The following GPC5 variants were observed in gnomAD, a reference collection of about 807,000 sequenced individuals.
GPC5 encodes the protein glypican 5, also known as glypican-5.
A neutral mutation model predicts 53.9 loss-of-function variants in GPC5; 47 were observed. The observed-to-expected ratio is 0.87, with a 90% confidence interval of 0.69 to 1.11. The LOEUF is 1.11. Among genes scored for constraint, GPC5 ranks in the 50% most tolerant of loss-of-function variants. GPC5 has a pLI of 0.00. For missense variants in GPC5, 748 were observed against 713.1 expected (o/e 1.05, Z -0.56); for synonymous variants, 286 against 263.3 (o/e 1.09, Z -0.84).
chr13:91,760,677 T>C (rs573689798), intron 5 of GPC5, among the ~76,000 whole-genome samples: 18 of 152,242 alleles, frequency 1.2e-4, no homozygotes, highest in African/African-American at 4.1e-4. Flanking sequence ...GATATGATTA[T>C]TTGTGTGCAC....
At chr13:92,285,332 T>C (rs1449610047) in intron 7 of GPC5, among the ~76,000 whole-genome samples, 1 of 152,162 alleles carries the variant, frequency 6.6e-6, no homozygotes. Flanking sequence ...AATTTATAGA[T>C]TCAATGCCAT....
intron 1 of GPC5, among the ~76,000 whole-genome samples, chr13:91,446,616 A>G (rs755568038): frequency 6.6e-5 from 10 of 152,152 alleles, no homozygotes; most frequent in African/African-American, 1.2e-4. Context: ...TCTATTTACA[A>G]TAGGAGCCTG....
chr13:92,470,346 C>T (rs978232172), intron 7 of GPC5, among the ~76,000 whole-genome samples: 6 of 151,970 alleles, frequency 3.9e-5, no homozygotes, highest in East Asian at 1.9e-4. Context: ...TAATTGAACA[C>T]GATATTGACT....
At chr13:91,803,290 G>A (rs553978109) in intron 5 of GPC5, among the ~76,000 whole-genome samples, 48 of 152,154 alleles carry the variant, frequency 3.2e-4, no homozygotes, top group African/African-American at 1.1e-3. Context: ...GTAAAGTTGT[G>A]GTGATGAAAT....
rs1166101823 is a variant in GPC5, at chr13:92,756,402, T to A, written c.1562-109880T>A. On this transcript the variant is annotated intron_variant, in intron 7 of 7. Coordinates refer to ENST00000377067, the MANE Select transcript of GPC5 (RefSeq NM_004466.6). Reference sequence around the variant, plus strand: ...CTGAATGGACAAAAACTGGAAGCATTCCCTTTGAAAACTGGCACAAGACAG... The same window carrying A: ...CTGAATGGACAAAAACTGGAAGCATACCCTTTGAAAACTGGCACAAGACAG... 2.0e-5 allele frequency among the ~76,000 whole-genome samples: 3 copies of A among 151,524 alleles called. No homozygotes were observed. In the East Asian group the frequency reaches 5.8e-4, roughly 29 times the overall value.
chr13:91,725,172 A>C (rs1345681457), intron 3 of GPC5: 1 of 152,246 alleles, frequency 6.6e-6, no homozygotes, highest in East Asian at 1.9e-4. Context: ...TTTCAAGGTG[A>C]GATGGGAACT....
chr13:92,344,959 T>C (rs1438655121), intron 7 of GPC5, among the ~76,000 whole-genome samples: 3 of 152,166 alleles, frequency 2.0e-5, no homozygotes, highest in African/African-American at 7.2e-5. Flanking sequence ...GAGAATATCA[T>C]TGATTTCAAA....
chr13:91,428,470 C>T (rs1300022292), intron 1 of GPC5, among the ~76,000 whole-genome samples: 2 of 152,176 alleles, frequency 1.3e-5, no homozygotes. Context: ...GAGGCTTGGT[C>T]TTGGACCTTG....
chr13:92,183,089 G>C (rs1485772106), intron 7 of GPC5, among the ~76,000 whole-genome samples: 1 of 152,178 alleles, frequency 6.6e-6, no homozygotes, highest in East Asian at 1.9e-4. Context: ...TTGGTTTATT[G>C]AACAGGGTGG....
chr13:91,421,593 A>G (rs779162346), intron 1 of GPC5, among the ~76,000 whole-genome samples: 1 of 152,218 alleles, frequency 6.6e-6, no homozygotes, highest in African/African-American at 2.4e-5. Context: ...TTGAATTGCA[A>G]TGAATATTTG....
At chr13:91,857,515 T>C (rs1283115621) in intron 5 of GPC5, among the ~76,000 whole-genome samples, 1 of 151,386 alleles carries the variant, frequency 6.6e-6, no homozygotes, top group Non-Finnish European at 1.5e-5. Context: ...TGTCTTGTTT[T>C]ATATATTTCT....
intron 6 of GPC5, among the ~76,000 whole-genome samples, chr13:92,091,064 C>A (rs1170424904): frequency 6.6e-6 from 1 of 152,160 alleles, no homozygotes; most frequent in Non-Finnish European, 1.5e-5. Flanking sequence ...GACTTCCCAG[C>A]CTCCAGAATT....
chr13:92,456,249 G>A (rs1878264530), intron 7 of GPC5, among the ~76,000 whole-genome samples: 1 of 152,146 alleles, frequency 6.6e-6, no homozygotes, highest in African/African-American at 2.4e-5. Context: ...GCCTAAAGGA[G>A]CACTTGCTCT....
At chr13:92,311,672 C>T (rs2043145994) in intron 7 of GPC5, among the ~76,000 whole-genome samples, 1 of 152,148 alleles carries the variant, frequency 6.6e-6, no homozygotes, top group Non-Finnish European at 1.5e-5. Flanking sequence ...ATAAAACCAT[C>T]AGATCTCATG....
At chr13:91,760,500 G>T (rs342709) in intron 5 of GPC5, among the ~76,000 whole-genome samples, 95,193 of 151,936 alleles carry the variant, frequency 0.63, 30,051 homozygotes, top group Middle Eastern at 0.73. Flanking sequence ...GTGTTTTCCT[G>T]TTTTATGGGA....
intron 7 of GPC5, among the ~76,000 whole-genome samples, chr13:92,300,207 C>G (rs1238290156): frequency 6.6e-6 from 1 of 152,138 alleles, no homozygotes; most frequent in African/African-American, 2.4e-5. Flanking sequence ...AACACATACA[C>G]AGGGAAGCTT....
At chr13:92,721,402 C>T (rs1888504772) in intron 7 of GPC5, 2 of 152,132 alleles carry the variant, frequency 1.3e-5, no homozygotes, top group South Asian at 2.1e-4. Context: ...TAAAAACCCT[C>T]CAATTTCTAA....
At chr13:92,240,331 A>G (rs1311531958) in intron 7 of GPC5, 1 of 152,004 alleles carries the variant, frequency 6.6e-6, no homozygotes, top group Non-Finnish European at 1.5e-5. Context: ...TATATTAAGC[A>G]ATTCTTAGCA....
At chr13:91,841,068 G>A (rs776368824) in intron 5 of GPC5, among the ~76,000 whole-genome samples, 1 of 151,416 alleles carries the variant, frequency 6.6e-6, no homozygotes, top group Admixed American at 6.6e-5. Context: ...TTCAAAGAGC[G>A]TGAAAGCTAG....
Sources: gnomAD v4.1 joint callset for allele counts (sites outside exome capture counted in the v4.1 genomes callset) on GRCh38, gnomAD v4.1.1 for gene constraint, MANE v1.5 for transcripts, NCBI Gene and HGNC (gene_info 2026-07-23, HGNC 2026-07-21) for gene names.